The following RGS17 variants were observed in gnomAD, a reference collection of about 807,000 sequenced individuals.
The protein encoded by RGS17 is regulator of G protein signaling 17.
Under a neutral mutation model 25.5 loss-of-function variants are expected in RGS17, and 12 were observed. The ratio of observed to expected loss-of-function variants is 0.47; its 90% CI spans 0.30 to 0.76. The LOEUF (loss-of-function observed/expected upper bound fraction) is 0.76, where lower values mean the gene tolerates loss of function less well. RGS17 is among the 30% of genes least tolerant of loss of function. RGS17 has a pLI of 0.07. For synonymous variants in RGS17, 71 were observed against 76.9 expected (o/e 0.92, Z 0.40); for missense variants, 196 against 242.2 (o/e 0.81, Z 1.27).
chr6:153,118,840 G>C (rs968981068), intron 1 of RGS17, among the ~76,000 whole-genome samples: 2 of 152,008 alleles, frequency 1.3e-5, no homozygotes, highest in African/African-American at 4.8e-5. Flanking sequence ...ATAACTCACT[G>C]ATCTTCTTTC....
At chr6:153,057,161 C>T (rs1776572631) in intron 1 of RGS17, among the ~76,000 whole-genome samples, 1 of 151,378 alleles carries the variant, frequency 6.6e-6, no homozygotes, top group Admixed American at 6.6e-5. Flanking sequence ...TTAAAATCCA[C>T]ATAACATCTG....
intron 1 of RGS17, among the ~76,000 whole-genome samples, chr6:153,052,439 C>T (rs575458174): frequency 6.6e-6 from 1 of 152,172 alleles, no homozygotes; most frequent in African/African-American, 2.4e-5. Context: ...TGTCCCACTA[C>T]TGTAGTTTGG....
chr6:153,082,649 C>T (rs1260914734), intron 1 of RGS17, among the ~76,000 whole-genome samples: 2 of 152,078 alleles, frequency 1.3e-5, no homozygotes, highest in Non-Finnish European at 2.9e-5. Context: ...TCCATATCTA[C>T]ATTCTTTTAA....
chr6:153,103,591 A>G (rs1159800339), intron 1 of RGS17, among the ~76,000 whole-genome samples: 1 of 152,220 alleles, frequency 6.6e-6, no homozygotes. Flanking sequence ...AGAAAGTGTA[A>G]ACCAAACTGA....
At chr6:153,037,695 A>G (rs1011076860) in intron 2 of RGS17, among the ~76,000 whole-genome samples, 3 of 152,132 alleles carry the variant, frequency 2.0e-5, no homozygotes, top group Non-Finnish European at 2.9e-5. Flanking sequence ...AAGGGCTGGG[A>G]TTACAGGCAT....
chr6:153,080,800 T>C (rs1178963651), intron 1 of RGS17, among the ~76,000 whole-genome samples: 1 of 152,082 alleles, frequency 6.6e-6, no homozygotes, highest in East Asian at 1.9e-4. Flanking sequence ...TAAAAATTGT[T>C]ATTTTCATTC....
intron 1 of RGS17, among the ~76,000 whole-genome samples, chr6:153,078,307 C>T (rs1422877955): frequency 1.3e-5 from 2 of 152,080 alleles, no homozygotes; most frequent in Non-Finnish European, 2.9e-5. Flanking sequence ...TTGTCAATTT[C>T]TACAAAAAAC....
At chr6:153,031,663 T>G (rs1779364775) in intron 2 of RGS17, among the ~76,000 whole-genome samples, 1 of 152,236 alleles carries the variant, frequency 6.6e-6, no homozygotes, top group South Asian at 2.1e-4. Flanking sequence ...CCATTTCTCT[T>G]TACATAGAAG....
rs1432525583 is a variant in RGS17 at position 153,006,964 on chromosome 6, A to G, written c.*4610T>C. 1 of 152,182 alleles carries G rather than the reference A, an allele frequency of 6.6e-6. No individual in the cohort carries two copies. Among genetic ancestry groups the G allele is most frequent in the East Asian group, 1.9e-4 (1 of 5,200 alleles). The allele number at this position is 152,182 out of a possible 1,614,324, so 9.4% of individuals were successfully genotyped here. A position where few individuals can be genotyped will look rare whatever the true frequency, so the allele number is the denominator to read the frequency against. ...TTCCATTAGTAACCTTACTCATCTT[A>G]TAGCTTTTGTCATAGGAAGAAAATC... On this transcript the variant is annotated 3_prime_UTR_variant, in exon 5 of 5. Transcript: ENST00000206262.
chr6:153,109,175 T>G (rs1293182357), intron 1 of RGS17, among the ~76,000 whole-genome samples: 1 of 152,228 alleles, frequency 6.6e-6, no homozygotes, highest in African/African-American at 2.4e-5. Flanking sequence ...ACGCCATTTT[T>G]TTTTCATTTT....
chr6:153,054,026 T>A (rs1423862024), intron 1 of RGS17, among the ~76,000 whole-genome samples: 1 of 63,644 alleles, frequency 1.6e-5, no homozygotes, highest in African/African-American at 6.4e-5. Flanking sequence ...ATGTATATAA[T>A]ATATATACAT....
At chr6:153,051,949 A>G (rs1776466743) in intron 1 of RGS17, among the ~76,000 whole-genome samples, 1 of 152,188 alleles carries the variant, frequency 6.6e-6, no homozygotes, top group Admixed American at 6.5e-5. Context: ...ATGTTGTCAG[A>G]TTTTTTGGAT....
At chr6:153,118,046 G>A (rs1777568361) in intron 1 of RGS17, among the ~76,000 whole-genome samples, 1 of 152,200 alleles carries the variant, frequency 6.6e-6, no homozygotes. Context: ...CTTGAATGAT[G>A]AGAAAGACTG....
At chr6:153,101,330 C>G (rs1020387646) in intron 1 of RGS17, among the ~76,000 whole-genome samples, 25 of 152,292 alleles carry the variant, frequency 1.6e-4, no homozygotes, top group African/African-American at 6.0e-4. Flanking sequence ...GAAGCACTGA[C>G]TTTTCCCATA....
intron 1 of RGS17, among the ~76,000 whole-genome samples, chr6:153,086,412 A>C (rs1056314469): frequency 1.2e-4 from 19 of 152,186 alleles, no homozygotes; most frequent in Non-Finnish European, 5.9e-5. Flanking sequence ...GCCTGCCCGT[A>C]AGTTATGCTG....
chr6:153,123,810 G>A (rs576611881), intron 1 of RGS17, among the ~76,000 whole-genome samples: 16 of 152,300 alleles, frequency 1.1e-4, no homozygotes, highest in African/African-American at 3.1e-4. Flanking sequence ...CTACACCAGC[G>A]TTTTAGAATA....
chr6:153,061,074 T>C (rs1247281181), intron 1 of RGS17, among the ~76,000 whole-genome samples: 3 of 152,198 alleles, frequency 2.0e-5, no homozygotes, highest in Non-Finnish European at 4.4e-5. Flanking sequence ...TGGAAAGTCA[T>C]TCAATTGCTT....
chr6:153,089,133 C>G (rs1777091122), intron 1 of RGS17, among the ~76,000 whole-genome samples: 1 of 151,764 alleles, frequency 6.6e-6, no homozygotes, highest in African/African-American at 2.4e-5. Flanking sequence ...TTCAAAGTCT[C>G]TGATCACAAT....
intron 1 of RGS17, among the ~76,000 whole-genome samples, chr6:153,068,402 G>C (rs558245994): frequency 6.6e-6 from 1 of 152,122 alleles, no homozygotes; most frequent in Non-Finnish European, 1.5e-5. Flanking sequence ...AACCGAGATC[G>C]CGCCACTGCA....
Sources: allele counts gnomAD v4.1 joint callset (sites outside exome capture counted in the v4.1 genomes callset), GRCh38; gene constraint gnomAD v4.1.1; transcripts MANE v1.5; gene names NCBI Gene and HGNC (gene_info 2026-07-23, HGNC 2026-07-21).